The following BRWD1 variants were observed in gnomAD, a reference collection of about 807,000 sequenced individuals.
BRWD1 encodes the protein bromodomain and WD repeat domain containing 1.
Under a neutral mutation model 251.2 loss-of-function variants are expected in BRWD1, and 82 were observed. That is an observed-to-expected ratio of 0.33 (90% CI 0.27 to 0.39). BRWD1 has a LOEUF of 0.39. Among genes scored for constraint, BRWD1 ranks in the 10% least tolerant of loss-of-function variants. The pLI is 1.00. For synonymous variants in BRWD1, 918 were observed against 902.8 expected, an observed-to-expected ratio of 1.02 and a Z score of -0.30; for missense variants, 2,233 against 2,711.6, an observed-to-expected ratio of 0.82 and a Z score of 3.92.
chr21:39,283,389 A>G (rs1470284284), intron 8 of BRWD1, among the ~76,000 whole-genome samples: 1 of 152,126 alleles, frequency 6.6e-6, no homozygotes. Flanking sequence ...TCCTTCCCCA[A>G]CCCAAGACTC....
At position 39,223,019 on chromosome 21, in the gene BRWD1, C is replaced by A. The variant is rs114372405; in HGVS notation, c.3382+1389G>T. 7.6e-3 allele frequency among the ~76,000 whole-genome samples: 1,151 copies of A among 152,118 alleles called. 19 individuals carry two copies. Among genetic ancestry groups the A allele is most frequent in the African/African-American group, 0.026 (1,075 of 41,506 alleles). ...TAATGGAAATTCTATAAAATAACTGCCCAGTAATCTTCAAAAGCCTTAAAG... is the reference window on the plus strand; with the variant it reads ...TAATGGAAATTCTATAAAATAACTGACCAGTAATCTTCAAAAGCCTTAAAG... On this transcript the variant is annotated intron_variant, in intron 29 of 40. Transcript: ENST00000342449.
At position 39,192,590 on chromosome 21, in the gene BRWD1, A is replaced by C; in HGVS notation, c.*3669T>G. ...TTTCCATACAACATAAGAAAACTAC[A>C]GTATTTGGTGACAACTGCAAGATAC... On this transcript the variant is annotated 3_prime_UTR_variant, in exon 41 of 41. Transcript: ENST00000342449. The C allele has an allele frequency of 2.0e-6, 2 of 984,202 alleles. No individual in the cohort carries two copies. The highest frequency in any genetic ancestry group is 2.4e-6 in the Non-Finnish European group (2 of 828,870). The allele number at this position is 984,202 out of a possible 1,614,324, so 61.0% of individuals were successfully genotyped here.
intron 30 of BRWD1, 99 bp downstream of exon 30, chr21:39,218,406 T>C: frequency 2.1e-6 from 3 of 1,438,216 alleles, no homozygotes; most frequent in East Asian, 4.7e-5. Context: ...ATACAAAGTG[T>C]AGAAAAGAAC....
chr21:39,215,151 A>G, intron 32 of BRWD1, 86 bp downstream of exon 32: 1 of 1,392,478 alleles, frequency 7.2e-7, no homozygotes. Context: ...ATTAACAGGC[A>G]TGAGCCACCA....
intron 21 of BRWD1, among the ~76,000 whole-genome samples, chr21:39,247,013 G>A (rs2034214206): frequency 6.6e-6 from 1 of 152,074 alleles, no homozygotes; most frequent in Non-Finnish European, 1.5e-5. Flanking sequence ...GGGAGGCAGA[G>A]GTTGCAGTGA....
At chr21:39,314,650 A>C (rs1389429312), upstream of BRWD1, 1 of 326,504 alleles carries the variant, frequency 3.1e-6, no homozygotes, top group Non-Finnish European at 6.1e-6. Context: ...CTGGCCCCTA[A>C]AGTACAGCAG....
chr21:39,248,545 G>A (rs1465971139), intron 20 of BRWD1, among the ~76,000 whole-genome samples: 2 of 151,282 alleles, frequency 1.3e-5, no homozygotes, highest in Non-Finnish European at 2.9e-5. Flanking sequence ...GGCTGAGGGG[G>A]GAGGATCACT....
chr21:39,219,260 A>G (rs1397977335), intron 29 of BRWD1: 1 of 152,318 alleles, frequency 6.6e-6, no homozygotes, highest in Non-Finnish European at 1.5e-5. Flanking sequence ...ATCTCTACTA[A>G]AAATACAAAA....
Position 39,194,750 on chromosome 21 carries a change from G to C in BRWD1, c.*1509C>G, listed in dbSNP as rs1398000314. ...AAAGATACACAGGAGAAAAGGTTTTGTCTGAAACCAAACACAATTAGGGCT... is the reference window on the plus strand; with the variant it reads ...AAAGATACACAGGAGAAAAGGTTTTCTCTGAAACCAAACACAATTAGGGCT... On this transcript the variant is annotated 3_prime_UTR_variant, in exon 41 of 41. Transcript: ENST00000342449. 4 of 1,535,224 alleles carry C rather than the reference G, an allele frequency of 2.6e-6. No individual in the cohort carries two copies. The highest frequency in any genetic ancestry group is 3.5e-6 in the Non-Finnish European group (4 of 1,146,024).
intron 21 of BRWD1, among the ~76,000 whole-genome samples, chr21:39,242,781 G>C (rs919499006): frequency 6.6e-6 from 1 of 152,092 alleles, no homozygotes; most frequent in Non-Finnish European, 1.5e-5. Context: ...TGTTAAATCT[G>C]CTCTGCCTGA....
In BRWD1 at chr21:39,187,920, C is replaced by G. The variant is rs893213952; in HGVS notation, c.*8339G>C. The G allele has an allele frequency of 2.0e-6, 2 of 981,882 alleles. No individual in the cohort carries two copies. Among genetic ancestry groups the G allele is most frequent in the African/African-American group, 3.5e-5 (2 of 57,126 alleles). 60.8% of individuals were successfully genotyped at this position (981,882 alleles called of 1,614,324 possible). On this transcript the variant is annotated 3_prime_UTR_variant, in exon 41 of 41. Coordinates refer to ENST00000342449, the MANE Select transcript of BRWD1 (RefSeq NM_033656.4). Reference sequence around the variant, plus strand: ...TCAAGGAAGGCTTCCTTTAAGGAAGCTTTTAGACGAGAGGTGAAAATTGTG... The same window carrying G: ...TCAAGGAAGGCTTCCTTTAAGGAAGGTTTTAGACGAGAGGTGAAAATTGTG...
Position 39,194,601 on chromosome 21 carries a change from T to A in BRWD1, c.*1658A>T, listed in dbSNP as rs2031715914. On this transcript the variant is annotated 3_prime_UTR_variant, in exon 41 of 41. Transcript: ENST00000342449. Reference sequence around the variant, plus strand: ...GTCCAAAAACATCCTTCCCCATGCATCAGAGTAGAAAGAAAATGTACCTTC... The same window carrying A: ...GTCCAAAAACATCCTTCCCCATGCAACAGAGTAGAAAGAAAATGTACCTTC... The A allele has an allele frequency of 6.6e-7, 1 of 1,503,984 alleles. No homozygotes were observed. The highest frequency in any genetic ancestry group is 8.8e-7 in the Non-Finnish European group (1 of 1,130,708). The allele number at this position is 1,503,984 out of a possible 1,614,324, so 93.2% of individuals were successfully genotyped here.
chr21:39,280,795 C>G (rs2035431593), intron 8 of BRWD1, among the ~76,000 whole-genome samples: 1 of 152,156 alleles, frequency 6.6e-6, no homozygotes, highest in African/African-American at 2.4e-5. Flanking sequence ...ATTCTTCAGA[C>G]TACATCAGGA....
intron 27 of BRWD1, among the ~76,000 whole-genome samples, chr21:39,228,238 A>T (rs2033461972): frequency 6.6e-6 from 1 of 152,170 alleles, no homozygotes; most frequent in African/African-American, 2.4e-5. Context: ...CAGTGAGCTG[A>T]GATCACACCA....
chr21:39,198,079 A>AAACTCCCCGT (rs1190253885), intron 40 of BRWD1, among the ~76,000 whole-genome samples: 1 of 152,144 alleles, frequency 6.6e-6, no homozygotes, highest in East Asian at 1.9e-4. Flanking sequence ...AGCCTCTCTG[A>AAACTCCCCGT]AACTCCCCGT....
intron 11 of BRWD1, 120 bp downstream of exon 11, chr21:39,277,131 T>C (rs1357929569): frequency 1.8e-6 from 1 of 552,832 alleles, no homozygotes; most frequent in Non-Finnish European, 2.9e-6. Context: ...TAAATGACAG[T>C]TCATTTGTTC....
chr21:39,302,562 G>T (rs2036153966), intron 4 of BRWD1, among the ~76,000 whole-genome samples: 1 of 151,968 alleles, frequency 6.6e-6, no homozygotes, highest in Non-Finnish European at 1.5e-5. Flanking sequence ...TTCAAGACCA[G>T]CCTGGCTAAC....
intron 4 of BRWD1, among the ~76,000 whole-genome samples, chr21:39,311,938 G>A (rs550111583): frequency 1.3e-5 from 2 of 152,084 alleles, no homozygotes; most frequent in Admixed American, 1.3e-4. Context: ...TCCAACTGTG[G>A]TAAAAGATCA....
chr21:39,205,445 C>G (rs973543707), intron 37 of BRWD1, among the ~76,000 whole-genome samples: 2 of 152,036 alleles, frequency 1.3e-5, no homozygotes, highest in South Asian at 4.1e-4. Flanking sequence ...TCACTAGACC[C>G]CAGCCTGGGC....
Sources: gnomAD v4.1 joint callset for allele counts (sites outside exome capture counted in the v4.1 genomes callset) on GRCh38, gnomAD v4.1.1 for gene constraint, MANE v1.5 for transcripts, NCBI Gene and HGNC (gene_info 2026-07-23, HGNC 2026-07-21) for gene names.